NFIL3: variants seen among roughly 807,000 people sequenced by gnomAD.
The protein encoded by NFIL3 is nuclear factor, interleukin 3 regulated, also known as nuclear factor interleukin-3-regulated protein.
A neutral mutation model predicts 10.0 loss-of-function variants in NFIL3; 5 were observed. The observed-to-expected ratio is 0.50, with a 90% CI of 0.26 to 1.06. The LOEUF is 1.06. NFIL3 is among the 50% of genes least tolerant of loss of function. NFIL3 has a pLI of 0.13. For missense variants in NFIL3, 436 were observed against 547.6 expected, an observed-to-expected ratio of 0.80 and a Z score of 2.03; for synonymous variants, 202 against 206.5, an observed-to-expected ratio of 0.98 and a Z score of 0.19.
In NFIL3 at chr9:91,421,339, G is replaced by C. The variant is rs979543030; in HGVS notation, c.-173+2301C>G. Among the ~76,000 whole-genome samples, 12 of 151,940 alleles carry C rather than the reference G, an allele frequency of 7.9e-5. 1 individual carries two copies. The highest frequency in any genetic ancestry group is 2.7e-4 in the African/African-American group (11 of 41,488). On this transcript the variant is annotated intron_variant, in intron 1 of 1. Coordinates refer to ENST00000297689, the MANE Select transcript of NFIL3 (RefSeq NM_005384.3). Reference sequence around the variant, plus strand: ...CCGGTCCCTAGCGCCCGGGCTCCACGGGCCGCGCCCCCACGCGGCGCCTCC... The same window carrying C: ...CCGGTCCCTAGCGCCCGGGCTCCACCGGCCGCGCCCCCACGCGGCGCCTCC...
the NFIL3 span, among the ~76,000 whole-genome samples, chr9:91,451,769 T>C: frequency 1.3e-5 from 2 of 152,180 alleles, no homozygotes; most frequent in Admixed American, 6.5e-5. Context: ...ACTGTTTAAA[T>C]TGGCCCTGCG....
At chr9:91,435,246 T>A in the NFIL3 span, among the ~76,000 whole-genome samples, 1 of 152,140 alleles carries the variant, frequency 6.6e-6, no homozygotes, top group African/African-American at 2.4e-5. Flanking sequence ...ATAAAAACGC[T>A]TGCTGCAACT....
chr9:91,413,261 T>C (rs1012365059), intron 1 of NFIL3, among the ~76,000 whole-genome samples: 1 of 152,180 alleles, frequency 6.6e-6, no homozygotes, highest in African/African-American at 2.4e-5. Context: ...TTTCCTTTTT[T>C]TTTTTTGATA....
the NFIL3 span, among the ~76,000 whole-genome samples, chr9:91,443,877 A>T: frequency 4.6e-3 from 707 of 152,282 alleles, 6 homozygotes; most frequent in South Asian, 0.012. Flanking sequence ...GCCATCATTT[A>T]CTTTTGACAG....
the NFIL3 span, among the ~76,000 whole-genome samples, chr9:91,468,835 A>T: frequency 1.7e-4 from 26 of 152,164 alleles, 1 homozygote; most frequent in African/African-American, 6.3e-4. Context: ...TTTGCCAAAG[A>T]TCAGATGGTT....
the NFIL3 span, among the ~76,000 whole-genome samples, chr9:91,460,268 G>GTTTTTTTTTTT: frequency 1.0e-3 from 80 of 77,040 alleles, no homozygotes; most frequent in African/African-American, 5.7e-3. Flanking sequence ...GGAGGGCTTG[G>GTTTTTTTTTTT]TTCTTTTTTT....
chr9:91,411,868 C>T (rs936246485), intron 1 of NFIL3, among the ~76,000 whole-genome samples: 4 of 151,826 alleles, frequency 2.6e-5, no homozygotes, highest in South Asian at 2.1e-4. Flanking sequence ...TTTGGTAGGC[C>T]GAAGCGGGCA....
At chr9:91,452,178 T>G in the NFIL3 span, among the ~76,000 whole-genome samples, 1 of 152,142 alleles carries the variant, frequency 6.6e-6, no homozygotes, top group Admixed American at 6.6e-5. Context: ...AGATCTTAAG[T>G]CTGATAAAAA....
the NFIL3 span, among the ~76,000 whole-genome samples, chr9:91,473,157 C>T: frequency 7.4e-4 from 112 of 152,280 alleles, no homozygotes; most frequent in Non-Finnish European, 1.1e-3. Context: ...TTAGGCTACA[C>T]GGGGGTCAGG....
chr9:91,460,179 G>A, the NFIL3 span, among the ~76,000 whole-genome samples: 6 of 151,800 alleles, frequency 4.0e-5, no homozygotes, highest in Non-Finnish European at 5.9e-5. Flanking sequence ...AGCAATCCTC[G>A]GAGGAAGAGT....
the NFIL3 span, among the ~76,000 whole-genome samples, chr9:91,471,610 C>T: frequency 4.6e-5 from 7 of 151,598 alleles, no homozygotes; most frequent in Non-Finnish European, 1.0e-4. Flanking sequence ...TGTGCTGCAC[C>T]CATTAACTCG....
At chr9:91,440,995 G>A in the NFIL3 span, among the ~76,000 whole-genome samples, 6 of 152,228 alleles carry the variant, frequency 3.9e-5, no homozygotes, top group East Asian at 1.2e-3. Context: ...TGCATGGAAT[G>A]TTCTGTATAT....
the NFIL3 span, among the ~76,000 whole-genome samples, chr9:91,442,676 G>A: frequency 2.6e-5 from 4 of 152,176 alleles, no homozygotes; most frequent in Non-Finnish European, 4.4e-5. Context: ...CAAGGCTGCA[G>A]CTGGACCAGA....
the NFIL3 span, among the ~76,000 whole-genome samples, chr9:91,480,488 GA>G: frequency 6.6e-6 from 1 of 151,662 alleles, no homozygotes; most frequent in African/African-American, 2.4e-5. Flanking sequence ...TCTCTATTTA[GA>G]AAAAAATGTT....
chr9:91,424,380 C>A (rs1833840959), upstream of NFIL3, among the ~76,000 whole-genome samples: 1 of 152,222 alleles, frequency 6.6e-6, no homozygotes, highest in African/African-American at 2.4e-5. Flanking sequence ...CCTCCCCTTC[C>A]CCGCACACTC....
At chr9:91,459,873 T>C in the NFIL3 span, among the ~76,000 whole-genome samples, 1 of 152,050 alleles carries the variant, frequency 6.6e-6, no homozygotes, top group Non-Finnish European at 1.5e-5. Context: ...GATGGATGAA[T>C]GGGGGTAATG....
the NFIL3 span, among the ~76,000 whole-genome samples, chr9:91,460,268 G>GTTTTTTTT: frequency 2.6e-5 from 2 of 77,092 alleles, no homozygotes; most frequent in African/African-American, 2.7e-4. Context: ...GGAGGGCTTG[G>GTTTTTTTT]TTCTTTTTTT....
chr9:91,411,708 T>C (rs1047910118), intron 1 of NFIL3, among the ~76,000 whole-genome samples: 12 of 152,234 alleles, frequency 7.9e-5, no homozygotes, highest in African/African-American at 2.9e-4. Context: ...ATTTGTTCTA[T>C]CAAACATTCA....
chr9:91,465,833 A>G, the NFIL3 span, among the ~76,000 whole-genome samples: 2 of 152,028 alleles, frequency 1.3e-5, no homozygotes, highest in Non-Finnish European at 2.9e-5. Flanking sequence ...AATTCTTCTA[A>G]TGTCCTTGTT....
Sources: allele counts gnomAD v4.1 joint callset (sites outside exome capture counted in the v4.1 genomes callset), GRCh38; gene constraint gnomAD v4.1.1; transcripts MANE v1.5; gene names NCBI Gene and HGNC (gene_info 2026-07-23, HGNC 2026-07-21).